The following SPPL2A variants were observed in gnomAD, a reference collection of about 807,000 sequenced individuals.
The protein encoded by SPPL2A is signal peptide peptidase like 2A, also known as signal peptide peptidase-like 2A.
In SPPL2A, 51 loss-of-function variants were observed where a neutral mutation model predicts 63.8. The observed-to-expected ratio is 0.80, with a 90% CI of 0.64 to 1.01. The LOEUF is 1.01. SPPL2A is among the 50% of genes least tolerant of loss of function. The probability of loss-of-function intolerance (pLI) is 0.00; values close to 1 mark genes in which losing one functional copy is unlikely to be tolerated. For synonymous variants in SPPL2A, 188 were observed against 205.8 expected (o/e 0.91, Z 0.74); for missense variants, 553 against 622.7 (o/e 0.89, Z 1.19).
chr15:50,729,574 T>C (rs2062714717), intron 10 of SPPL2A, among the ~76,000 whole-genome samples: 1 of 152,086 alleles, frequency 6.6e-6, no homozygotes, highest in Admixed American at 6.6e-5. Flanking sequence ...TAAGTCATAA[T>C]TGAGCCACTG....
Position 50,748,671 on chromosome 15 carries a change from T to A in SPPL2A, c.360+17A>T. 6.7e-7 allele frequency: 1 copy of A among 1,494,896 alleles called. No homozygotes were observed. Among genetic ancestry groups the A allele is most frequent in the Non-Finnish European group, 9.0e-7 (1 of 1,109,146 alleles). 92.6% of individuals were successfully genotyped at this position (1,494,896 alleles called of 1,614,324 possible). A position where few individuals can be genotyped will look rare whatever the true frequency, so the allele number is the denominator to read the frequency against. ...ATCATGAACTCAAAATAAGATATGATTGTTTTTATAACTTACTAGGACACT... is the reference window on the plus strand; with the variant it reads ...ATCATGAACTCAAAATAAGATATGAATGTTTTTATAACTTACTAGGACACT... On this transcript the variant is annotated intron_variant, in intron 3 of 14. Transcript: ENST00000261854.
At chr15:50,757,407 A>G (rs2062969242) in intron 1 of SPPL2A, among the ~76,000 whole-genome samples, 2 of 151,974 alleles carry the variant, frequency 1.3e-5, no homozygotes, top group South Asian at 4.1e-4. Flanking sequence ...ATACTCTTCT[A>G]AATACTCCCA....
intron 14 of SPPL2A, among the ~76,000 whole-genome samples, chr15:50,710,277 G>C (rs1435421697): frequency 6.6e-6 from 1 of 152,148 alleles, no homozygotes; most frequent in African/African-American, 2.4e-5. Context: ...CGTTAGCACA[G>C]TAGGTAGTGA....
Position 50,705,306 on chromosome 15 carries a change from C to T in SPPL2A, c.*2494G>A, listed in dbSNP as rs2062499777. The T allele has an allele frequency of 6.7e-6, 1 of 149,524 alleles. No homozygotes were observed. The highest frequency in any genetic ancestry group is 1.5e-5 in the Non-Finnish European group (1 of 67,768). The allele number at this position is 149,524 out of a possible 1,614,324, so 9.3% of individuals were successfully genotyped here. On this transcript the variant is annotated 3_prime_UTR_variant, in exon 15 of 15. Transcript: ENST00000261854. ...AGTGAGCCAAGATCTTGCTACTGCA[C>T]TCCAGCCTGGGTGACAGAGGGAGAC...
Position 50,759,874 on chromosome 15 carries a change from C to A in SPPL2A, c.66+5594G>T, listed in dbSNP as rs144947190. 3.9e-5 allele frequency among the ~76,000 whole-genome samples: 6 copies of A among 152,162 alleles called. No homozygotes were observed. The East Asian group carries it at 1.2e-3, about 29-fold the overall frequency. ...TAGGATAAGTCATAATTTTCCTGAACCTTCTCAGGATTTTTTGAGTTTCAA... is the reference window on the plus strand; with the variant it reads ...TAGGATAAGTCATAATTTTCCTGAAACTTCTCAGGATTTTTTGAGTTTCAA... On this transcript the variant is annotated intron_variant, in intron 1 of 14. Coordinates refer to ENST00000261854, the MANE Select transcript of SPPL2A (RefSeq NM_032802.4).
At chr15:50,725,982 C>A in intron 11 of SPPL2A, 1 of 800,464 alleles carries the variant, frequency 1.2e-6, no homozygotes, top group Non-Finnish European at 1.8e-6. Context: ...TTTTTTTTGG[C>A]AATCTGGATT....
At chr15:50,733,043 GAAT>G (rs1260211888) in intron 8 of SPPL2A, among the ~76,000 whole-genome samples, 1 of 152,056 alleles carries the variant, frequency 6.6e-6, no homozygotes, top group Non-Finnish European at 1.5e-5. Context: ...TGTCCTAGTA[GAAT>G]AATGAATATT....
rs1282632847 is a variant in SPPL2A at position 50,747,428 on chromosome 15, A to G, written c.584+67T>C. On this transcript the variant is annotated intron_variant, in intron 5 of 14. Transcript: ENST00000261854. ...CAGATAAATTTTTAAATGTTGTTAT[A>G]TAATTAAAATGATTGCAGAAATTTT... The G allele has an allele frequency of 8.9e-6, 12 of 1,348,702 alleles. No homozygotes were observed. In the East Asian group the frequency reaches 2.8e-4, roughly 31 times the overall value. 83.5% of individuals were successfully genotyped at this position (1,348,702 alleles called of 1,614,324 possible).
At chr15:50,744,070 T>C (rs1313468869) in intron 5 of SPPL2A, among the ~76,000 whole-genome samples, 2 of 151,828 alleles carry the variant, frequency 1.3e-5, no homozygotes, top group Non-Finnish European at 2.9e-5. Context: ...TCCCAGCTAC[T>C]TGGGAGGCTG....
Position 50,762,714 on chromosome 15 carries a change from G to A in SPPL2A, c.66+2754C>T, listed in dbSNP as rs2063022661. On this transcript the variant is annotated intron_variant, in intron 1 of 14. Transcript: ENST00000261854. ...TATTACATGACTAAGGGGAAGCAGT[G>A]CCAGTTTCTTTTTTTCTTTTCTTTT... is the stretch of plus-strand genomic sequence containing the variant. Among the ~76,000 whole-genome samples the A allele has an allele frequency of 1.3e-5, 2 of 150,948 alleles. 1 individual carries two copies. Among genetic ancestry groups the A allele is most frequent in the South Asian group, 4.2e-4 (2 of 4,802 alleles).
intron 1 of SPPL2A, among the ~76,000 whole-genome samples, chr15:50,757,820 C>T (rs1160752961): frequency 1.3e-5 from 2 of 151,960 alleles, no homozygotes. Flanking sequence ...CCCGTCTCTA[C>T]TAAAAATACA....
Position 50,765,661 on chromosome 15 carries a change from A to G in SPPL2A, c.-128T>C, listed in dbSNP as rs2063054725. 3.9e-6 allele frequency: 2 copies of G among 515,756 alleles called. No homozygotes were observed. Among genetic ancestry groups the G allele is most frequent in the Non-Finnish European group, 6.1e-6 (2 of 327,484 alleles). 31.9% of individuals were successfully genotyped at this position (515,756 alleles called of 1,614,324 possible). A position where few individuals can be genotyped will look rare whatever the true frequency, so the allele number is the denominator to read the frequency against. ...CCGGACAGGCGCGGGCGGCCGGGCT[A>G]CGACTGGACCGCCGCTGCTACAGCG... On this transcript the variant is annotated 5_prime_UTR_variant, in exon 1 of 15. Coordinates refer to ENST00000261854, the MANE Select transcript of SPPL2A (RefSeq NM_032802.4).
chr15:50,755,226 G>A lies in SPPL2A; in HGVS notation c.67-5480C>T, dbSNP rs948051303. On this transcript the variant is annotated intron_variant, in intron 1 of 14. Transcript: ENST00000261854. Reference sequence around the variant, plus strand: ...CCAGCTACTCGGAAGCCTGAGGCAGGAGAATCGCTTGAACCCGGGAGGCAG... The same window carrying A: ...CCAGCTACTCGGAAGCCTGAGGCAGAAGAATCGCTTGAACCCGGGAGGCAG... Among the ~76,000 whole-genome samples the A allele has an allele frequency of 5.9e-5, 9 of 151,956 alleles. No homozygotes were observed. In the East Asian group the frequency reaches 9.7e-4, roughly 16 times the overall value.
intron 1 of SPPL2A, among the ~76,000 whole-genome samples, chr15:50,758,261 C>T (rs890654780): frequency 6.7e-6 from 1 of 148,858 alleles, no homozygotes; most frequent in African/African-American, 2.5e-5. Flanking sequence ...TGCACTCCAG[C>T]CTGGGCGACA....
intron 12 of SPPL2A, among the ~76,000 whole-genome samples, chr15:50,722,649 G>A (rs1316889917): frequency 1.3e-5 from 2 of 152,106 alleles, no homozygotes; most frequent in Non-Finnish European, 2.9e-5. Context: ...TAGAGATGGG[G>A]TTTCATCATG....
At chr15:50,714,180 T>C (rs1234767523) in intron 14 of SPPL2A, among the ~76,000 whole-genome samples, 1 of 152,270 alleles carries the variant, frequency 6.6e-6, no homozygotes, top group Non-Finnish European at 1.5e-5. Context: ...TATGTTTTTA[T>C]ACGCTTTTAA....
chr15:50,708,114 C>T (rs903313247), intron 14 of SPPL2A, among the ~76,000 whole-genome samples: 3 of 152,182 alleles, frequency 2.0e-5, no homozygotes, highest in Non-Finnish European at 2.9e-5. Context: ...TCTGGATCTT[C>T]CGTTATCTCC....
At chr15:50,755,966 A>C (rs1328304760) in intron 1 of SPPL2A, among the ~76,000 whole-genome samples, 1 of 152,096 alleles carries the variant, frequency 6.6e-6, no homozygotes, top group Admixed American at 6.6e-5. Flanking sequence ...CTGATGGTCA[A>C]TGGACCCCAC....
In SPPL2A at chr15:50,707,695, CAT is replaced by C; in HGVS notation, c.*103_*104del. 4.6e-6 allele frequency: 3 copies of C among 648,158 alleles called. No individual in the cohort carries two copies. The South Asian group carries it at 5.6e-5, about 12-fold the overall frequency. The allele number at this position is 648,158 out of a possible 1,614,324, so 40.2% of individuals were successfully genotyped here. On this transcript the variant is annotated 3_prime_UTR_variant, in exon 15 of 15. Coordinates refer to ENST00000261854, the MANE Select transcript of SPPL2A (RefSeq NM_032802.4). ...GCTCATAAAAATATATTTTTGCAAG[CAT>C]ATCATTGAAGACTCTTTCAGATTGT... is the stretch of plus-strand genomic sequence containing the variant.
Sources: gnomAD v4.1 joint callset for allele counts (sites outside exome capture counted in the v4.1 genomes callset) on GRCh38, gnomAD v4.1.1 for gene constraint, MANE v1.5 for transcripts, NCBI Gene and HGNC (gene_info 2026-07-23, HGNC 2026-07-21) for gene names.